Variants in CPQ observed in about 807,000 individuals in gnomAD.
The protein encoded by CPQ is Ser-Met dipeptidase.
Under a neutral mutation model 45.7 loss-of-function variants are expected in CPQ, and 37 were observed. The ratio of observed to expected loss-of-function variants is 0.81; its 90% CI spans 0.62 to 1.07. The LOEUF is 1.07. Ranked by LOEUF, CPQ falls within the 50% of genes least tolerant of loss-of-function variation. CPQ has a pLI of 0.00. For synonymous variants in CPQ, 186 were observed against 205.8 expected, an observed-to-expected ratio of 0.90 and a Z score of 0.82; for missense variants, 537 against 572.9, an observed-to-expected ratio of 0.94 and a Z score of 0.64.
chr8:96,956,677 A>G (rs1027778549), intron 4 of CPQ, among the ~76,000 whole-genome samples: 1 of 152,176 alleles, frequency 6.6e-6, no homozygotes, highest in South Asian at 2.1e-4. Context: ...CAAGATATAT[A>G]AATTCTAATA....
At chr8:96,678,973 GC>G (rs1476379839) in intron 1 of CPQ, among the ~76,000 whole-genome samples, 1 of 151,800 alleles carries the variant, frequency 6.6e-6, no homozygotes, top group African/African-American at 2.4e-5. Context: ...TGAAGTCTTA[GC>G]CATAAAAATC....
intron 5 of CPQ, among the ~76,000 whole-genome samples, chr8:97,008,165 G>T (rs901836316): frequency 6.6e-6 from 1 of 151,982 alleles, no homozygotes; most frequent in African/African-American, 2.4e-5. Flanking sequence ...TTTAATATCA[G>T]TTATCACTTG....
intron 7 of CPQ, among the ~76,000 whole-genome samples, chr8:97,133,706 T>C (rs1161272455): frequency 6.6e-6 from 1 of 152,230 alleles, no homozygotes; most frequent in African/African-American, 2.4e-5. Context: ...ATTTGAGATA[T>C]CTGTTCTATG....
intron 4 of CPQ, among the ~76,000 whole-genome samples, chr8:96,891,253 T>A (rs1812371265): frequency 6.6e-6 from 1 of 152,224 alleles, no homozygotes; most frequent in South Asian, 2.1e-4. Flanking sequence ...GCGTGCAGAA[T>A]GGGCAAACCC....
chr8:96,649,620 G>A (rs953014886), intron 1 of CPQ, among the ~76,000 whole-genome samples: 1 of 152,138 alleles, frequency 6.6e-6, no homozygotes, highest in African/African-American at 2.4e-5. Context: ...AAGAAGTTTC[G>A]GGAGAAAGAC....
chr8:97,025,327 C>T (rs1319860291), intron 5 of CPQ, among the ~76,000 whole-genome samples: 1 of 152,124 alleles, frequency 6.6e-6, no homozygotes, highest in Non-Finnish European at 1.5e-5. Context: ...AAACCAAAAC[C>T]AAGTTCTGAC....
intron 7 of CPQ, among the ~76,000 whole-genome samples, chr8:97,142,376 T>C (rs2130635707): frequency 2.0e-5 from 3 of 152,266 alleles, no homozygotes; most frequent in Middle Eastern, 6.8e-3. Context: ...GAAGAAAGCT[T>C]TGAAGCAGGG....
chr8:96,820,787 T>C (rs1586413700), intron 2 of CPQ, among the ~76,000 whole-genome samples: 1 of 152,214 alleles, frequency 6.6e-6, no homozygotes. Context: ...AGTGCAGATA[T>C]CTCTTTGATG....
chr8:96,966,129 A>G, intron 5 of CPQ, 83 bp downstream of exon 5: 1 of 945,388 alleles, frequency 1.1e-6, no homozygotes, highest in South Asian at 1.5e-5. Context: ...TTAACAGATT[A>G]GTTACTATGG....
At chr8:96,869,079 T>C (rs1183328225) in intron 3 of CPQ, among the ~76,000 whole-genome samples, 2 of 152,062 alleles carry the variant, frequency 1.3e-5, no homozygotes, top group Non-Finnish European at 2.9e-5. Context: ...TCTTTTAAAA[T>C]GGTCTTTATG....
chr8:96,914,518 C>T (rs1274711160), intron 4 of CPQ, among the ~76,000 whole-genome samples: 2 of 152,120 alleles, frequency 1.3e-5, no homozygotes, highest in Admixed American at 1.3e-4. Context: ...TGACTTGTGT[C>T]CACAAATCTG....
At chr8:96,665,490 T>A (rs756120562) in intron 1 of CPQ, among the ~76,000 whole-genome samples, 6 of 152,192 alleles carry the variant, frequency 3.9e-5, no homozygotes, top group Admixed American at 1.3e-4. Context: ...CAATTATGGT[T>A]TCCTTAACAG....
At chr8:96,703,477 C>G (rs1809495304) in intron 1 of CPQ, among the ~76,000 whole-genome samples, 1 of 152,094 alleles carries the variant, frequency 6.6e-6, no homozygotes, top group African/African-American at 2.4e-5. Context: ...ACAAGATAAT[C>G]TAGTCTAGTA....
chr8:96,830,384 C>T (rs1047992552), intron 2 of CPQ, among the ~76,000 whole-genome samples: 3 of 151,940 alleles, frequency 2.0e-5, no homozygotes, highest in Non-Finnish European at 4.4e-5. Context: ...TTATCAAATT[C>T]TCTATAGACT....
At chr8:96,684,754 G>A (rs988529383) in intron 1 of CPQ, among the ~76,000 whole-genome samples, 4 of 152,094 alleles carry the variant, frequency 2.6e-5, no homozygotes, top group African/African-American at 9.7e-5. Flanking sequence ...CAGGCCCCCT[G>A]ATAGTGTGGG....
chr8:96,904,224 A>G (rs558489455), intron 4 of CPQ, among the ~76,000 whole-genome samples: 1 of 71,540 alleles, frequency 1.4e-5, no homozygotes, highest in East Asian at 3.8e-4. Flanking sequence ...CTCTCCCAAC[A>G]TTTCCTCTCC....
At chr8:96,696,615 A>G (rs1388572044) in intron 1 of CPQ, among the ~76,000 whole-genome samples, 1 of 152,046 alleles carries the variant, frequency 6.6e-6, no homozygotes, top group Non-Finnish European at 1.5e-5. Flanking sequence ...AACAAAATTT[A>G]CAAACTTTAG....
chr8:96,821,077 G>T (rs1488201420), intron 2 of CPQ, among the ~76,000 whole-genome samples: 3 of 138,252 alleles, frequency 2.2e-5, no homozygotes, highest in African/African-American at 8.1e-5. Context: ...CCATTTGTAT[G>T]TCTTTTGAGA....
intron 5 of CPQ, among the ~76,000 whole-genome samples, chr8:96,982,124 G>A (rs1425125532): frequency 1.3e-5 from 2 of 152,220 alleles, no homozygotes; most frequent in African/African-American, 2.4e-5. Context: ...GAGCACTTTG[G>A]TGGAGCAGTG....
Sources: allele counts gnomAD v4.1 joint callset (sites outside exome capture counted in the v4.1 genomes callset), GRCh38; gene constraint gnomAD v4.1.1; transcripts MANE v1.5; gene names NCBI Gene and HGNC (gene_info 2026-07-23, HGNC 2026-07-21).